TTLL5: variants seen among roughly 807,000 people sequenced by gnomAD.
TTLL5 encodes the protein tubulin polyglutamylase TTLL5.
TTLL5 carries 132 observed loss-of-function variants against 168.4 expected under a neutral mutation model. The observed-to-expected ratio is 0.78, with a 90% confidence interval of 0.68 to 0.91. The LOEUF (loss-of-function observed/expected upper bound fraction) is 0.91, where lower values mean the gene tolerates loss of function less well. Among genes scored for constraint, TTLL5 ranks in the 40% least tolerant of loss-of-function variants. The pLI, the probability that TTLL5 is intolerant of heterozygous loss-of-function variation, is 0.00. For synonymous variants in TTLL5, 546 were observed against 558.6 expected, an observed-to-expected ratio of 0.98 and a Z score of 0.32; for missense variants, 1,545 against 1,581.5, an observed-to-expected ratio of 0.98 and a Z score of 0.39.
intron 8 of TTLL5, 91 bp downstream of exon 8, chr14:75,707,178 A>G (rs1886715658): frequency 9.9e-7 from 1 of 1,005,212 alleles, no homozygotes; most frequent in Non-Finnish European, 1.5e-6. Context: ...AGTCTTTATT[A>G]TACTGTTGTG....
In TTLL5 at chr14:75,771,712, A is replaced by G. The variant is rs1566596867; in HGVS notation, c.2016-22A>G. On this transcript the variant is annotated intron_variant, in intron 20 of 31. Transcript: ENST00000298832. ...TTTTACACTTCTGTCACATAACGGT[A>G]TGTTGTTTTGGATTTCTATAGCAAA... is the stretch of plus-strand genomic sequence containing the variant. 6.8e-6 allele frequency: 11 copies of G among 1,612,934 alleles called. No homozygotes were observed. In the East Asian group the frequency reaches 2.0e-4, roughly 29 times the overall value.
At chr14:75,743,244 A>G (rs919885136) in intron 15 of TTLL5, among the ~76,000 whole-genome samples, 8 of 152,090 alleles carry the variant, frequency 5.3e-5, no homozygotes, top group Non-Finnish European at 1.2e-4. Context: ...TATAACTCCC[A>G]TGCTAGCTTT....
chr14:75,914,712 C>T (rs2033546203), intron 31 of TTLL5, among the ~76,000 whole-genome samples: 1 of 151,606 alleles, frequency 6.6e-6, no homozygotes, highest in Non-Finnish European at 1.5e-5. Flanking sequence ...CAAGCTCCGC[C>T]TCCCAGGTTC....
At chr14:75,872,172 A>G (rs2031089557) in intron 29 of TTLL5, among the ~76,000 whole-genome samples, 1 of 152,222 alleles carries the variant, frequency 6.6e-6, no homozygotes, top group Admixed American at 6.5e-5. Flanking sequence ...TCACTTTAAC[A>G]ATAAGTAACA....
chr14:75,909,409 C>T (rs568579293), intron 31 of TTLL5, among the ~76,000 whole-genome samples: 1 of 151,264 alleles, frequency 6.6e-6, no homozygotes, highest in South Asian at 2.1e-4. Context: ...CTTGCCTTTC[C>T]TATGGAAGCC....
At chr14:75,897,878 C>T (rs1029472617) in intron 30 of TTLL5, among the ~76,000 whole-genome samples, 4 of 152,216 alleles carry the variant, frequency 2.6e-5, no homozygotes, top group Non-Finnish European at 5.9e-5. Context: ...CAACCTTTCA[C>T]TACATCAAGC....
intron 28 of TTLL5, among the ~76,000 whole-genome samples, chr14:75,849,168 C>T (rs1896712507): frequency 1.3e-5 from 2 of 152,248 alleles, no homozygotes; most frequent in South Asian, 4.1e-4. Flanking sequence ...GCCAAAACAT[C>T]TCCCTCCCCA....
chr14:75,859,237 TA>T (rs1897289462), intron 28 of TTLL5, among the ~76,000 whole-genome samples: 1 of 152,224 alleles, frequency 6.6e-6, no homozygotes, highest in South Asian at 2.1e-4. Flanking sequence ...GAACAGATAT[TA>T]AACCAGAGGA....
At chr14:75,707,354 CAT>C (rs1391120509) in intron 8 of TTLL5, among the ~76,000 whole-genome samples, 31 of 152,072 alleles carry the variant, frequency 2.0e-4, no homozygotes, top group African/African-American at 6.8e-4. Flanking sequence ...AAATGACACA[CAT>C]ATGCATTATA....
At chr14:75,682,354 G>T (rs183367882) in intron 4 of TTLL5, among the ~76,000 whole-genome samples, 1 of 152,232 alleles carries the variant, frequency 6.6e-6, no homozygotes, top group Non-Finnish European at 1.5e-5. Flanking sequence ...GCCAGGGAAG[G>T]TCCCCGAGTG....
chr14:75,873,895 G>A (rs1304835998), intron 29 of TTLL5, among the ~76,000 whole-genome samples: 1 of 152,138 alleles, frequency 6.6e-6, no homozygotes. Context: ...TGATTAAAAT[G>A]ATATTAAAGA....
At chr14:75,851,247 A>C in intron 28 of TTLL5, among the ~76,000 whole-genome samples, 1 of 152,126 alleles carries the variant, frequency 6.6e-6, no homozygotes, top group East Asian at 1.9e-4. Context: ...GGAAATACAC[A>C]CAGAGGAAGA....
chr14:75,850,728 A>G (rs928223934), intron 28 of TTLL5, among the ~76,000 whole-genome samples: 12 of 152,208 alleles, frequency 7.9e-5, no homozygotes, highest in African/African-American at 2.9e-4. Context: ...TTAATAGGGA[A>G]AAACATAAAG....
chr14:75,728,203 A>G (rs1006551397), intron 12 of TTLL5, among the ~76,000 whole-genome samples: 2 of 152,046 alleles, frequency 1.3e-5, no homozygotes, highest in Non-Finnish European at 1.5e-5. Flanking sequence ...TAAAAATACA[A>G]AAGTTAGCCA....
intron 31 of TTLL5, among the ~76,000 whole-genome samples, chr14:75,933,395 C>T (rs1195702110): frequency 6.6e-6 from 1 of 152,162 alleles, no homozygotes; most frequent in East Asian, 1.9e-4. Flanking sequence ...CCCTGGAGGT[C>T]AAGGCCGCAG....
intron 7 of TTLL5, among the ~76,000 whole-genome samples, chr14:75,704,933 A>G (rs930542941): frequency 2.0e-5 from 3 of 152,224 alleles, no homozygotes; most frequent in African/African-American, 7.2e-5. Context: ...TGTGTCATGG[A>G]ATGATGACCA....
At chr14:75,946,728 T>G in intron 31 of TTLL5, among the ~76,000 whole-genome samples, 1 of 150,092 alleles carries the variant, frequency 6.7e-6, no homozygotes, top group Non-Finnish European at 1.5e-5. Context: ...CATGAGAATG[T>G]GGGAAATGTT....
rs766119024 is a variant in TTLL5 at position 75,771,742 on chromosome 14, A to G, written c.2024A>G (p.Gln675Arg). 4 of 1,613,448 alleles carry G rather than the reference A, an allele frequency of 2.5e-6. No homozygotes were observed. The highest frequency in any genetic ancestry group is 2.7e-5 in the African/African-American group (2 of 74,894). The change falls in exon 21 of 32, where the codon CAG becomes CGG. Residue 675 changes from glutamine (Q) to arginine (R), a missense_variant. Gln to Arg is a conservative substitution (Grantham distance 43). Transcript: ENST00000298832. ...LQDNGNLSKM[Q>R]ARIAFSAYLQ... The stretch of plus-strand genomic sequence containing the variant: ...GTTTTGGATTTCTATAGCAAAATGC[A>G]GGCCCGAATAGCATTCTCTGCCTAT...
intron 29 of TTLL5, among the ~76,000 whole-genome samples, chr14:75,866,572 C>T (rs1199344724): frequency 6.6e-6 from 1 of 152,176 alleles, no homozygotes; most frequent in Admixed American, 6.5e-5. Flanking sequence ...ACATAGTAAT[C>T]TCCTAATAAT....
Sources: gnomAD v4.1 joint callset for allele counts (sites outside exome capture counted in the v4.1 genomes callset) on GRCh38, gnomAD v4.1.1 for gene constraint, MANE v1.5 for transcripts, NCBI Gene and HGNC (gene_info 2026-07-23, HGNC 2026-07-21) for gene names.